The following SCN8A variants were observed in gnomAD, a reference collection of about 807,000 sequenced individuals.
SCN8A encodes the protein sodium voltage-gated channel alpha subunit 8.
In SCN8A, 30 loss-of-function variants were observed where a neutral mutation model predicts 184.1. That is an observed-to-expected ratio of 0.16 (90% CI 0.12 to 0.22). The LOEUF (loss-of-function observed/expected upper bound fraction) is 0.22, where lower values mean the gene tolerates loss of function less well. Ranked by LOEUF, SCN8A falls within the 10% of genes least tolerant of loss-of-function variation. The pLI is 1.00. For missense variants in SCN8A, 1,057 were observed against 2,498.9 expected (o/e 0.42, Z 12.30); for synonymous variants, 852 against 907.0 (o/e 0.94, Z 1.09).
At chr12:51,793,371 G>A (rs1592166432) in intron 25 of SCN8A, among the ~76,000 whole-genome samples, 1 of 152,148 alleles carries the variant, frequency 6.6e-6, no homozygotes, top group African/African-American at 2.4e-5. Context: ...GCAGGGAACA[G>A]ACTTGGCTCT....
At chr12:51,664,478 G>A (rs1805731771) in intron 2 of SCN8A, among the ~76,000 whole-genome samples, 1 of 151,976 alleles carries the variant, frequency 6.6e-6, no homozygotes, top group African/African-American at 2.4e-5. Context: ...AAAATGCTGG[G>A]ATTACAGGTG....
At chr12:51,686,328 G>C (rs1447176074) in intron 3 of SCN8A, 40 bp from the exon 4 acceptor site, 2 of 1,293,572 alleles carry the variant, frequency 1.5e-6, no homozygotes, top group African/African-American at 1.5e-5. Context: ...AAAACAAAAG[G>C]CAGGCCAGAT....
At chr12:51,597,364 C>A (rs1436618283) in intron 1 of SCN8A, among the ~76,000 whole-genome samples, 1 of 152,126 alleles carries the variant, frequency 6.6e-6, no homozygotes, top group Non-Finnish European at 1.5e-5. Flanking sequence ...TCATATTCAG[C>A]TGATTAGTGT....
intron 1 of SCN8A, among the ~76,000 whole-genome samples, chr12:51,634,905 C>A (rs894900501): frequency 1.3e-5 from 2 of 152,124 alleles, no homozygotes; most frequent in African/African-American, 4.8e-5. Context: ...CTGCTTTGGC[C>A]TCCCAAAGTT....
At chr12:51,624,515 C>T (rs1442516022) in intron 1 of SCN8A, among the ~76,000 whole-genome samples, 3 of 151,702 alleles carry the variant, frequency 2.0e-5, no homozygotes, top group Non-Finnish European at 4.4e-5. Context: ...GATATTAGCC[C>T]TTTGTCAGAT....
At chr12:51,687,338 A>G (rs568863258) in intron 5 of SCN8A, 119 bp downstream of exon 5, 1 of 1,184,122 alleles carries the variant, frequency 8.4e-7, no homozygotes, top group Admixed American at 2.3e-5. Flanking sequence ...ATTAATGGAT[A>G]ACCATGTAAG....
chr12:51,621,548 G>A (rs897045602), intron 1 of SCN8A, among the ~76,000 whole-genome samples: 2 of 152,212 alleles, frequency 1.3e-5, no homozygotes, highest in African/African-American at 4.8e-5. Flanking sequence ...GCAGTTATTT[G>A]GCCACAGACT....
At chr12:51,750,271 G>T (rs143880925) in intron 13 of SCN8A, among the ~76,000 whole-genome samples, 2 of 152,258 alleles carry the variant, frequency 1.3e-5, no homozygotes, top group African/African-American at 2.4e-5. Context: ...TGTATTGGGG[G>T]TCATGTGAGA....
Position 51,733,343 on chromosome 12 carries a change from T to G in SCN8A, c.1998+11435T>G, listed in dbSNP as rs113432380. 1.2e-3 allele frequency among the ~76,000 whole-genome samples: 183 copies of G among 152,356 alleles called. 2 individuals are homozygous for G. The highest frequency in any genetic ancestry group is 1.7e-3 in the Admixed American group (26 of 15,302). ...GTTTTTGTTGTTTATTCTGTTGATA[T>G]GATGTATCACACTGATTGATTTGCA... is the stretch of plus-strand genomic sequence containing the variant. On this transcript the variant is annotated intron_variant, in intron 12 of 26. Coordinates refer to ENST00000627620, the MANE Select transcript of SCN8A (RefSeq NM_001330260.2).
chr12:51,810,660 A>C lies in SCN8A; in HGVS notation c.*3231A>C, dbSNP rs2138951923. The C allele has an allele frequency of 6.5e-6, 1 of 153,708 alleles. No homozygotes were observed. The highest frequency in any genetic ancestry group is 1.4e-5 in the Non-Finnish European group (1 of 69,174). The allele number at this position is 153,708 out of a possible 1,614,324, so 9.5% of individuals were successfully genotyped here. ...AGATGTGTGATGCTGTTAATAATTT[A>C]AAATGCAGAGCCAAAGCCACTGAGC... On this transcript the variant is annotated 3_prime_UTR_variant, in exon 27 of 27. Transcript: ENST00000627620.
Position 51,751,348 on chromosome 12 carries a change from A to C in SCN8A, c.2132-7A>C. ...TGAGGGGCCATCTTTGTTCTTACTT[A>C]CTGTAGAACTGGAAGAGTCTCAGAG... On this transcript the variant is annotated splice_region_variant and splice_polypyrimidine_tract_variant and intron_variant, in intron 13 of 26. Transcript: ENST00000627620. 2 of 1,599,826 alleles carry C rather than the reference A, an allele frequency of 1.3e-6. No homozygotes were observed. The highest frequency in any genetic ancestry group is 2.7e-5 in the African/African-American group (2 of 74,666).
At chr12:51,713,515 G>A in intron 11 of SCN8A, 1 of 759,068 alleles carries the variant, frequency 1.3e-6, no homozygotes, top group Admixed American at 1.7e-5. Context: ...CAACTGCTCT[G>A]GTTCCTTTGG....
chr12:51,696,087 T>C (rs1410364702), intron 6 of SCN8A, among the ~76,000 whole-genome samples: 1 of 152,252 alleles, frequency 6.6e-6, no homozygotes, highest in East Asian at 1.9e-4. Flanking sequence ...TATTATACTC[T>C]TGTTACTAAT....
intron 2 of SCN8A, among the ~76,000 whole-genome samples, chr12:51,663,927 T>TTTTTG (rs1555214422): frequency 7.1e-6 from 1 of 140,460 alleles, no homozygotes; most frequent in Non-Finnish European, 1.5e-5. Flanking sequence ...TTTTTTTTTT[T>TTTTTG]GAGATGGAGT....
intron 2 of SCN8A, among the ~76,000 whole-genome samples, chr12:51,668,236 A>G (rs953062703): frequency 2.0e-5 from 3 of 152,004 alleles, no homozygotes; most frequent in African/African-American, 7.2e-5. Flanking sequence ...TTTACCTTCA[A>G]CTTTTCAGGT....
At chr12:51,780,588 T>TGTTACC in intron 20 of SCN8A, 61 bp from the exon 21 acceptor site, 1 of 322,234 alleles carries the variant, frequency 3.1e-6, no homozygotes, top group Non-Finnish European at 5.2e-6. Flanking sequence ...TTTTTTTTTT[T>TGTTACC]TTTTTTTTTT....
intron 1 of SCN8A, among the ~76,000 whole-genome samples, chr12:51,632,296 C>A (rs561361638): frequency 6.6e-6 from 1 of 152,254 alleles, no homozygotes; most frequent in East Asian, 1.9e-4. Context: ...GATTTTTCTG[C>A]TAAGTGGGGG....
intron 13 of SCN8A, among the ~76,000 whole-genome samples, chr12:51,750,569 G>A (rs1447101144): frequency 1.3e-5 from 2 of 152,146 alleles, no homozygotes; most frequent in Non-Finnish European, 2.9e-5. Flanking sequence ...ACAGTAACTT[G>A]TACTTCTTTG....
chr12:51,793,351 T>C (rs1445283081), intron 25 of SCN8A, among the ~76,000 whole-genome samples: 1 of 152,026 alleles, frequency 6.6e-6, no homozygotes, highest in African/African-American at 2.4e-5. Flanking sequence ...AGGAACAAGC[T>C]GGGTGAGGGG....
Sources: allele counts gnomAD v4.1 joint callset (sites outside exome capture counted in the v4.1 genomes callset), GRCh38; gene constraint gnomAD v4.1.1; transcripts MANE v1.5; gene names NCBI Gene and HGNC (gene_info 2026-07-23, HGNC 2026-07-21).